SMARCA1: variants seen among roughly 807,000 people sequenced by gnomAD.
SMARCA1 encodes SNF2 related chromatin remodeling ATPase 1.
SMARCA1 carries 17 observed loss-of-function variants against 93.6 expected under a neutral mutation model. The ratio of observed to expected loss-of-function variants is 0.18; its 90% CI spans 0.12 to 0.27. The LOEUF is 0.27. Among genes scored for constraint, SMARCA1 ranks in the 10% least tolerant of loss-of-function variants. The probability of loss-of-function intolerance (pLI) is 1.00; values close to 1 mark genes in which losing one functional copy is unlikely to be tolerated. For missense variants in SMARCA1, 630 were observed against 819.0 expected, an observed-to-expected ratio of 0.77 and a Z score of 2.82; for synonymous variants, 271 against 271.4, an observed-to-expected ratio of 1.00 and a Z score of 0.01.
At chrX:129,504,526 G>A (rs746317058) in intron 9 of SMARCA1, among the ~76,000 whole-genome samples, 82 of 78,826 alleles carry the variant, frequency 1.0e-3, no homozygotes, top group African/African-American at 4.0e-3. Context: ...CTGTTCTAGA[G>A]AGAGGCTGAG....
intron 19 of SMARCA1, among the ~76,000 whole-genome samples, chrX:129,473,088 T>G (rs1403635034): frequency 9.0e-6 from 1 of 110,725 alleles, no homozygotes; most frequent in Non-Finnish European, 1.9e-5. Context: ...GCATATGGGG[T>G]TTATGTTGAA....
At chrX:129,498,107 A>G (rs1934407360) in intron 10 of SMARCA1, 36 bp from the exon 11 acceptor site, 1 of 815,902 alleles carries the variant, frequency 1.2e-6, no homozygotes, top group African/African-American at 2.0e-5. Context: ...ATCAATTACT[A>G]GAAAGTTAAT....
intron 10 of SMARCA1, among the ~76,000 whole-genome samples, chrX:129,498,723 A>C (rs1363310442): frequency 1.8e-5 from 2 of 111,784 alleles, no homozygotes; most frequent in Non-Finnish European, 3.8e-5. Context: ...GGACAAAACC[A>C]AGCTGTGATC....
chrX:129,491,045 T>C (rs762472041), intron 14 of SMARCA1, among the ~76,000 whole-genome samples: 53 of 111,927 alleles, frequency 4.7e-4, no homozygotes, highest in Non-Finnish European at 8.7e-4. Context: ...TACTCCTAGT[T>C]AGTCATATCA....
intron 5 of SMARCA1, among the ~76,000 whole-genome samples, chrX:129,513,365 A>G (rs1935077268): frequency 9.3e-6 from 1 of 107,883 alleles, no homozygotes; most frequent in Non-Finnish European, 1.9e-5. Flanking sequence ...TCTCTACTAA[A>G]AATACAAAAT....
Position 129,492,090 on chromosome X carries a change from C to A in SMARCA1, c.1666G>T (p.Ala556Ser). 1.8e-6 allele frequency: 2 copies of A among 1,121,210 alleles called. No individual in the cohort carries two copies. The highest frequency in any genetic ancestry group is 2.3e-5 in the Admixed American group (1 of 44,185). 92.4% of individuals were successfully genotyped at this position (1,121,210 alleles called of 1,213,427 possible). A position where few individuals can be genotyped will look rare whatever the true frequency, so the allele number is the denominator to read the frequency against. ...TTAGGAGCATTAAAAGCCTCTATTG[C>A]TTCCTTTATTTTTTATTGATAAAGG... ...LEVEFLGQREAIEAFNAPNSS... is the reference protein window; with the variant it reads ...LEVEFLGQRESIEAFNAPNSS... Residue 556 changes from alanine (A) to serine (S), a missense_variant, in exon 14 of 25, where the codon GCA becomes TCA. Around this residue, in one of 4 missense-constraint regions of SMARCA1, gnomAD observed 382 missense variants for 537.9 expected, o/e 0.71. Transcript: ENST00000371121.
At chrX:129,459,191 C>T (rs886770029) in intron 23 of SMARCA1, among the ~76,000 whole-genome samples, 4 of 111,842 alleles carry the variant, frequency 3.6e-5, no homozygotes, top group Non-Finnish European at 7.5e-5. Context: ...GAGGCTGAGG[C>T]GGGCAGATCA....
At chrX:129,517,465 A>T (rs928372255) in intron 2 of SMARCA1, among the ~76,000 whole-genome samples, 3 of 111,332 alleles carry the variant, frequency 2.7e-5, no homozygotes, top group Non-Finnish European at 5.7e-5. Flanking sequence ...TAACATAAAC[A>T]TAAGAGTTAG....
chrX:129,475,344 C>T (rs1488883640), intron 19 of SMARCA1, among the ~76,000 whole-genome samples: 1 of 109,362 alleles, frequency 9.1e-6, no homozygotes, highest in African/African-American at 3.3e-5. Context: ...CATGATGAAA[C>T]CCCGTCTCTC....
At chrX:129,508,613 G>A (rs1460400435) in intron 6 of SMARCA1, among the ~76,000 whole-genome samples, 1 of 112,344 alleles carries the variant, frequency 8.9e-6, no homozygotes, top group Non-Finnish European at 1.9e-5. Context: ...AAAGGTCATG[G>A]AAGCCCACTA....
chrX:129,458,445 T>C (rs577605584), intron 23 of SMARCA1, among the ~76,000 whole-genome samples: 2 of 111,989 alleles, frequency 1.8e-5, no homozygotes, highest in East Asian at 5.6e-4. Flanking sequence ...GTCACTCAAG[T>C]TTCAATTTTT....
At chrX:129,469,735 G>A (rs982741917) in intron 20 of SMARCA1, among the ~76,000 whole-genome samples, 5 of 111,805 alleles carry the variant, frequency 4.5e-5, no homozygotes, top group African/African-American at 1.6e-4. Context: ...TCATATACTA[G>A]GAGAAGCAGA....
intron 14 of SMARCA1, among the ~76,000 whole-genome samples, chrX:129,490,675 A>G (rs934630597): frequency 5.4e-5 from 6 of 111,671 alleles, no homozygotes; most frequent in Admixed American, 9.5e-5. Flanking sequence ...GACTGGTCCT[A>G]TGGTTTATAG....
rs1932821053 is a variant in SMARCA1 at position 129,462,366 on chromosome X, T to C, written c.3030+3154A>G. 4.5e-5 allele frequency among the ~76,000 whole-genome samples: 5 copies of C among 111,869 alleles called. No homozygotes were observed. In the Admixed American group the frequency reaches 4.8e-4, roughly 11 times the overall value. ...AAATGGGGCAGTTTCTCTTCCTAGA[T>C]TGTGAATGTGATTCACTATACAGAA... On this transcript the variant is annotated intron_variant, in intron 23 of 24. Coordinates refer to ENST00000371121, the MANE Select transcript of SMARCA1 (RefSeq NM_001282874.2).
chrX:129,508,726 T>C (rs2124327083), intron 6 of SMARCA1, among the ~76,000 whole-genome samples: 1 of 112,528 alleles, frequency 8.9e-6, no homozygotes, highest in African/African-American at 3.2e-5. Flanking sequence ...ACAATGAGAC[T>C]ATTTAAAACT....
intron 12 of SMARCA1, among the ~76,000 whole-genome samples, chrX:129,493,955 G>A (rs1224824606): frequency 2.7e-5 from 3 of 111,390 alleles, no homozygotes; most frequent in African/African-American, 6.5e-5. Context: ...ATCAAAGTAA[G>A]GAATCAAACG....
At chrX:129,464,518 T>C (rs1169783668) in intron 23 of SMARCA1, among the ~76,000 whole-genome samples, 2 of 112,408 alleles carry the variant, frequency 1.8e-5, no homozygotes, top group African/African-American at 3.2e-5. Flanking sequence ...CACTGCTAAG[T>C]AGGACTAGAA....
chrX:129,500,720 T>C (rs1934527898), intron 9 of SMARCA1, among the ~76,000 whole-genome samples: 1 of 111,877 alleles, frequency 8.9e-6, no homozygotes, highest in Admixed American at 9.5e-5. Flanking sequence ...CCCAGCACTA[T>C]TACTCACTAT....
At chrX:129,522,725 A>C (rs1935447613) in intron 1 of SMARCA1, among the ~76,000 whole-genome samples, 1 of 112,038 alleles carries the variant, frequency 8.9e-6, no homozygotes, top group Admixed American at 9.4e-5. Flanking sequence ...ATTACAAAAA[A>C]AGCCCCAGCA....
Sources: allele counts gnomAD v4.1 joint callset (sites outside exome capture counted in the v4.1 genomes callset), GRCh38; gene constraint gnomAD v4.1.1; regional missense constraint gnomAD v4.1.1; transcripts MANE v1.5; gene names NCBI Gene and HGNC (gene_info 2026-07-23, HGNC 2026-07-21).